LRRN2: variants seen among roughly 807,000 people sequenced by gnomAD.
The protein encoded by LRRN2 is leucine-rich repeat neuronal protein 2.
LRRN2 carries 10 observed loss-of-function variants against 35.7 expected under a neutral mutation model. The ratio of observed to expected loss-of-function variants is 0.28; its 90% CI spans 0.17 to 0.47. LRRN2 has a LOEUF of 0.47. Ranked by LOEUF, LRRN2 falls within the 20% of genes least tolerant of loss-of-function variation. The probability of loss-of-function intolerance (pLI) is 0.99; values close to 1 mark genes in which losing one functional copy is unlikely to be tolerated. For missense variants in LRRN2, 731 were observed against 940.3 expected (o/e 0.78, Z 2.91); for synonymous variants, 391 against 409.6 (o/e 0.95, Z 0.55).
intron 1 of LRRN2, among the ~76,000 whole-genome samples, chr1:204,645,120 G>C (rs1251905976): frequency 1.3e-5 from 2 of 152,246 alleles, no homozygotes; most frequent in Non-Finnish European, 1.5e-5. Context: ...TCACAGTCAT[G>C]AGCATTGACA....
chr1:204,636,847 CG>C (rs1025116519), intron 1 of LRRN2, among the ~76,000 whole-genome samples: 12 of 152,214 alleles, frequency 7.9e-5, no homozygotes, highest in Non-Finnish European at 1.6e-4. Flanking sequence ...GGTCCACACA[CG>C]GTGTTAAAAA....
chr1:204,666,688 C>T (rs758982746), intron 1 of LRRN2, among the ~76,000 whole-genome samples: 14 of 152,134 alleles, frequency 9.2e-5, no homozygotes, highest in South Asian at 2.1e-4. Flanking sequence ...CCACTGGGCG[C>T]GGTGGCTCAT....
At chr1:204,634,605 A>G (rs1228355260) in intron 1 of LRRN2, among the ~76,000 whole-genome samples, 2 of 152,220 alleles carry the variant, frequency 1.3e-5, no homozygotes, top group African/African-American at 4.8e-5. Flanking sequence ...ACGGAGACAG[A>G]TGGAAGTGCT....
chr1:204,628,387 T>C (rs1305554918), intron 1 of LRRN2: 1 of 152,230 alleles, frequency 6.6e-6, no homozygotes, highest in Non-Finnish European at 1.5e-5. Flanking sequence ...CAGAGTCCTG[T>C]ACTGGCTGTG....
chr1:204,636,240 G>A (rs1461391748), intron 1 of LRRN2, among the ~76,000 whole-genome samples: 1 of 152,040 alleles, frequency 6.6e-6, no homozygotes, highest in African/African-American at 2.4e-5. Context: ...AAACAGACGC[G>A]GCTTCTGTAA....
chr1:204,633,584 C>CA (rs985154777), intron 1 of LRRN2, among the ~76,000 whole-genome samples: 3 of 152,192 alleles, frequency 2.0e-5, no homozygotes, highest in African/African-American at 7.2e-5. Flanking sequence ...GTTGAATGCT[C>CA]ACAGTAAGAG....
chr1:204,674,588 G>A (rs1332388549), intron 1 of LRRN2, among the ~76,000 whole-genome samples: 1 of 152,192 alleles, frequency 6.6e-6, no homozygotes, highest in Non-Finnish European at 1.5e-5. Flanking sequence ...CCCTCCCACA[G>A]CCCTGGGTCC....
intron 1 of LRRN2, among the ~76,000 whole-genome samples, chr1:204,660,581 T>A (rs12078690): frequency 0.12 from 7,682 of 61,820 alleles, 308 homozygotes; most frequent in African/African-American, 0.34. Flanking sequence ...ACACACACAC[T>A]CTCTCTCTCT....
chr1:204,636,237 C>G (rs959244392), intron 1 of LRRN2, among the ~76,000 whole-genome samples: 1 of 152,156 alleles, frequency 6.6e-6, no homozygotes, highest in African/African-American at 2.4e-5. Context: ...CTGAAACAGA[C>G]GCGGCTTCTG....
At chr1:204,665,989 C>A (rs576057149) in intron 1 of LRRN2, among the ~76,000 whole-genome samples, 2 of 152,330 alleles carry the variant, frequency 1.3e-5, no homozygotes, top group East Asian at 3.9e-4. Flanking sequence ...TGACCCAGCA[C>A]CTGCTGGGAG....
At chr1:204,645,562 C>T (rs1219289989) in intron 1 of LRRN2, among the ~76,000 whole-genome samples, 6 of 152,166 alleles carry the variant, frequency 3.9e-5, no homozygotes, top group Admixed American at 6.5e-5. Flanking sequence ...CTCTCTGAGG[C>T]AGGTATTACC....
intron 1 of LRRN2, among the ~76,000 whole-genome samples, chr1:204,638,937 G>T (rs535333240): frequency 6.6e-6 from 1 of 152,334 alleles, no homozygotes; most frequent in East Asian, 1.9e-4. Flanking sequence ...TGGGGGCTCC[G>T]TGAGCCTGCT....
At chr1:204,635,063 A>T (rs778306797) in intron 1 of LRRN2, among the ~76,000 whole-genome samples, 1 of 152,222 alleles carries the variant, frequency 6.6e-6, no homozygotes, top group Non-Finnish European at 1.5e-5. Context: ...GCTATTGGTC[A>T]GGTGGGCAGG....
At position 204,618,506 on chromosome 1, in the gene LRRN2, G is replaced by A; in HGVS notation, c.1487C>T (p.Thr496Ile). The A allele has an allele frequency of 6.2e-7, 1 of 1,614,226 alleles. No individual in the cohort carries two copies. Among genetic ancestry groups the A allele is most frequent in the Non-Finnish European group, 8.5e-7 (1 of 1,180,036 alleles). ...RVTAEEAGLY[T>I]CVAQNLVGAD... ...CCCCACCAGGTTCTGGGCCACACAGGTGTATAGCCCTGCCTCTTCTGCTGT... is the reference window on the plus strand; with the variant it reads ...CCCCACCAGGTTCTGGGCCACACAGATGTATAGCCCTGCCTCTTCTGCTGT... Residue 496 changes from threonine (T) to isoleucine (I), a missense_variant, in exon 2 of 2, where the codon ACC (threonine) becomes ATC (isoleucine). Transcript: ENST00000367177.
chr1:204,642,090 G>C (rs908165361), intron 1 of LRRN2, among the ~76,000 whole-genome samples: 2 of 152,226 alleles, frequency 1.3e-5, no homozygotes, highest in Non-Finnish European at 2.9e-5. Flanking sequence ...TTTGGAGGCT[G>C]TATTAGCCAG....
chr1:204,637,679 T>TTTGG (rs917248259), intron 1 of LRRN2, among the ~76,000 whole-genome samples: 7 of 145,832 alleles, frequency 4.8e-5, no homozygotes, highest in African/African-American at 1.5e-4. Flanking sequence ...TGTGTGTGTG[T>TTTGG]GTGTGTGTGT....
intron 1 of LRRN2, among the ~76,000 whole-genome samples, chr1:204,631,254 T>TTCAA: frequency 1.0e-4 from 1 of 9,910 alleles, no homozygotes; most frequent in East Asian, 2.9e-3. Context: ...ACCTAGAGTG[T>TTCAA]TCTATATATA....
rs1669055555 is a variant in LRRN2 at position 204,685,639 on chromosome 1, G to C, written c.-546C>G. ...AGCGCCGCGCGTTCGCAGGTGCCCG[G>C]AGCAGGCCCTCGCGGCGCCCGGCAC... On this transcript the variant is annotated 5_prime_UTR_variant, in exon 1 of 2. Transcript: ENST00000367177. 2.0e-5 allele frequency: 3 copies of C among 151,970 alleles called. No individual in the cohort carries two copies. The highest frequency in any genetic ancestry group is 7.2e-5 in the African/African-American group (3 of 41,460). 9.4% of individuals were successfully genotyped at this position (151,970 alleles called of 1,614,324 possible).
At chr1:204,662,401 T>C (rs1480305711) in intron 1 of LRRN2, among the ~76,000 whole-genome samples, 3 of 152,180 alleles carry the variant, frequency 2.0e-5, no homozygotes, top group African/African-American at 7.2e-5. Context: ...TTCTCTGGCA[T>C]AATTTACTTA....
Sources: allele counts gnomAD v4.1 joint callset (sites outside exome capture counted in the v4.1 genomes callset), GRCh38; gene constraint gnomAD v4.1.1; transcripts MANE v1.5; gene names NCBI Gene and HGNC (gene_info 2026-07-23, HGNC 2026-07-21).